MAML2: variants seen among roughly 807,000 people sequenced by gnomAD.
MAML2 encodes the protein mastermind like transcriptional coactivator 2.
In MAML2, 22 loss-of-function variants were observed where a neutral mutation model predicts 96.1. That is an observed-to-expected ratio of 0.23 (90% CI 0.16 to 0.33). The LOEUF is 0.33. Among genes scored for constraint, MAML2 ranks in the 10% least tolerant of loss-of-function variants. The probability of loss-of-function intolerance (pLI) is 1.00; values close to 1 mark genes in which losing one functional copy is unlikely to be tolerated. For synonymous variants in MAML2, 561 were observed against 521.3 expected (o/e 1.08, Z -1.04); for missense variants, 1,367 against 1,392.4 (o/e 0.98, Z 0.29).
intron 2 of MAML2, among the ~76,000 whole-genome samples, chr11:96,027,741 T>C (rs1300788567): frequency 2.6e-5 from 4 of 152,116 alleles, no homozygotes; most frequent in Non-Finnish European, 1.5e-5. Context: ...TTGTTTTATT[T>C]TACTTTTTGA....
At chr11:96,250,200 A>G (rs1263982522) in intron 1 of MAML2, among the ~76,000 whole-genome samples, 3 of 152,176 alleles carry the variant, frequency 2.0e-5, no homozygotes, top group Non-Finnish European at 4.4e-5. Context: ...TAGGCTTGGT[A>G]GACAAATTAT....
chr11:96,138,369 G>A (rs1860670958), intron 1 of MAML2, among the ~76,000 whole-genome samples: 1 of 152,092 alleles, frequency 6.6e-6, no homozygotes. Flanking sequence ...GGAGATCTTT[G>A]TATAGCTCCT....
chr11:96,260,116 T>C (rs976630470), intron 1 of MAML2, among the ~76,000 whole-genome samples: 1 of 152,122 alleles, frequency 6.6e-6, no homozygotes, highest in Non-Finnish European at 1.5e-5. Flanking sequence ...GTTCCAGGAC[T>C]TCCTAAAAAT....
intron 2 of MAML2, among the ~76,000 whole-genome samples, chr11:96,032,839 A>C (rs1234692265): frequency 6.6e-6 from 1 of 152,212 alleles, no homozygotes; most frequent in African/African-American, 2.4e-5. Flanking sequence ...AATTCTGTAC[A>C]ACACTACAGG....
chr11:95,985,637 T>A lies in MAML2; in HGVS notation c.2349A>T (p.Lys783Asn). ...GGTTTATCTGATCTTGTGGAGCAAT[T>A]TTCTCCTTGAGAAATGATATGAAAG... ...LQQQMLADAE[K>N]IAPQDQINRH... Residue 783 changes from lysine to asparagine, a missense_variant, in exon 4 of 5, where the codon AAA becomes AAT. Coordinates refer to ENST00000524717, the MANE Select transcript of MAML2 (RefSeq NM_032427.4). 1 of 1,595,728 alleles carries A rather than the reference T, an allele frequency of 6.3e-7. No homozygotes were observed. The highest frequency in any genetic ancestry group is 8.6e-7 in the Non-Finnish European group (1 of 1,164,650).
At chr11:96,081,380 T>C (rs1859527214) in intron 2 of MAML2, among the ~76,000 whole-genome samples, 1 of 152,108 alleles carries the variant, frequency 6.6e-6, no homozygotes, top group Non-Finnish European at 1.5e-5. Flanking sequence ...AACAGTGTCA[T>C]GGTGTCTTTC....
chr11:96,109,237 G>A (rs1860078859), intron 1 of MAML2, among the ~76,000 whole-genome samples: 3 of 152,132 alleles, frequency 2.0e-5, no homozygotes, highest in Admixed American at 6.6e-5. Flanking sequence ...AGCAGGCCTG[G>A]GAAGAATGGG....
At chr11:96,031,207 C>A (rs1190509894) in intron 2 of MAML2, among the ~76,000 whole-genome samples, 1 of 152,158 alleles carries the variant, frequency 6.6e-6, no homozygotes, top group Non-Finnish European at 1.5e-5. Flanking sequence ...TTATTATTGG[C>A]CTTTTCTCCT....
At chr11:96,030,251 T>C (rs1206002555) in intron 2 of MAML2, among the ~76,000 whole-genome samples, 1 of 151,324 alleles carries the variant, frequency 6.6e-6, no homozygotes, top group African/African-American at 2.4e-5. Context: ...AAAAATCATA[T>C]GGAAAGATAA....
intron 1 of MAML2, among the ~76,000 whole-genome samples, chr11:96,292,155 G>A (rs976828097): frequency 1.3e-5 from 2 of 152,146 alleles, no homozygotes; most frequent in Non-Finnish European, 2.9e-5. Flanking sequence ...ACTCAGCTAA[G>A]TTAGTTCCTC....
chr11:95,993,585 C>A (rs1354668849), intron 2 of MAML2, among the ~76,000 whole-genome samples: 1 of 152,062 alleles, frequency 6.6e-6, no homozygotes, highest in Non-Finnish European at 1.5e-5. Flanking sequence ...CAAAAACAAA[C>A]AAACAAAAAA....
chr11:96,114,797 G>C (rs1406141710), intron 1 of MAML2, among the ~76,000 whole-genome samples: 1 of 152,216 alleles, frequency 6.6e-6, no homozygotes, highest in Non-Finnish European at 1.5e-5. Flanking sequence ...CATCTGCTGA[G>C]CTACCATGGC....
chr11:95,978,567 T>C lies in MAML2; in HGVS notation c.*381A>G, dbSNP rs931570380. ...AATTAAGGAGTTTGTTGCTTGGAAC[T>C]AGTACCTCCTCATGACATGGGGTTT... On this transcript the variant is annotated 3_prime_UTR_variant, in exon 5 of 5. Coordinates refer to ENST00000524717, the MANE Select transcript of MAML2 (RefSeq NM_032427.4). 1.2e-5 allele frequency: 3 copies of C among 243,278 alleles called. No individual in the cohort carries two copies. Among genetic ancestry groups the C allele is most frequent in the African/African-American group, 6.7e-5 (3 of 45,066 alleles). 15.1% of individuals were successfully genotyped at this position (243,278 alleles called of 1,614,324 possible). A position where few individuals can be genotyped will look rare whatever the true frequency, so the allele number is the denominator to read the frequency against.
At chr11:96,207,875 CT>C (rs764425009) in intron 1 of MAML2, among the ~76,000 whole-genome samples, 317 of 152,332 alleles carry the variant, frequency 2.1e-3, no homozygotes, top group Non-Finnish European at 2.4e-3. Flanking sequence ...AAATAGATGC[CT>C]CTCTGTTACA....
intron 1 of MAML2, among the ~76,000 whole-genome samples, chr11:96,169,150 C>T (rs1314709892): frequency 6.6e-6 from 1 of 152,182 alleles, no homozygotes; most frequent in African/African-American, 2.4e-5. Flanking sequence ...TGACAGAAGG[C>T]CTGAACGAGT....
intron 1 of MAML2, among the ~76,000 whole-genome samples, chr11:96,251,857 G>A (rs537846174): frequency 1.1e-4 from 17 of 150,468 alleles, no homozygotes; most frequent in Middle Eastern, 3.4e-3. Flanking sequence ...TCAGCCTCCC[G>A]AGTAGCTGGG....
At chr11:96,068,292 G>C (rs1039245240) in intron 2 of MAML2, among the ~76,000 whole-genome samples, 1 of 152,102 alleles carries the variant, frequency 6.6e-6, no homozygotes, top group African/African-American at 2.4e-5. Flanking sequence ...TGGGTTCGTT[G>C]TCTTTGATAT....
intron 1 of MAML2, among the ~76,000 whole-genome samples, chr11:96,155,039 T>C (rs987491652): frequency 2.6e-5 from 4 of 152,196 alleles, no homozygotes; most frequent in African/African-American, 9.6e-5. Flanking sequence ...AGTGCTCTGC[T>C]ATTCCACGCG....
intron 1 of MAML2, among the ~76,000 whole-genome samples, chr11:96,335,849 G>T (rs1863914203): frequency 6.6e-6 from 1 of 152,056 alleles, no homozygotes; most frequent in African/African-American, 2.4e-5. Context: ...GCACTGCTCT[G>T]TTCCCCAAAC....
Sources: allele counts gnomAD v4.1 joint callset (sites outside exome capture counted in the v4.1 genomes callset), GRCh38; gene constraint gnomAD v4.1.1; transcripts MANE v1.5; gene names NCBI Gene and HGNC (gene_info 2026-07-23, HGNC 2026-07-21).